HHAT: variants seen among roughly 807,000 people sequenced by gnomAD.
The protein encoded by HHAT is hedgehog acyltransferase, also known as protein-cysteine N-palmitoyltransferase HHAT.
In HHAT, 47 loss-of-function variants were observed where a neutral mutation model predicts 70.8. The observed-to-expected ratio is 0.66, with a 90% CI of 0.53 to 0.85. The LOEUF (loss-of-function observed/expected upper bound fraction) is 0.85, where lower values mean the gene tolerates loss of function less well. HHAT is among the 40% of genes least tolerant of loss of function. The pLI, the probability that HHAT is intolerant of heterozygous loss-of-function variation, is 0.00. For missense variants in HHAT, 609 were observed against 604.8 expected (o/e 1.01, Z -0.07); for synonymous variants, 228 against 247.6 (o/e 0.92, Z 0.74).
intron 11 of HHAT, among the ~76,000 whole-genome samples, chr1:210,662,132 C>G (rs931685106): frequency 1.3e-5 from 2 of 152,146 alleles, no homozygotes; most frequent in African/African-American, 4.8e-5. Context: ...TGTCACTGAG[C>G]CTTTTGTCAT....
At chr1:210,373,300 G>A (rs1359637191) in intron 3 of HHAT, among the ~76,000 whole-genome samples, 5 of 152,084 alleles carry the variant, frequency 3.3e-5, no homozygotes, top group Non-Finnish European at 4.4e-5. Flanking sequence ...TTGGGGGGAG[G>A]TATGGGGAAG....
chr1:210,495,635 C>T (rs1457687581), intron 8 of HHAT, among the ~76,000 whole-genome samples: 1 of 152,126 alleles, frequency 6.6e-6, no homozygotes, highest in Non-Finnish European at 1.5e-5. Flanking sequence ...ATATTTGTTA[C>T]AACTAATGCC....
chr1:210,363,191 C>G (rs2088548357), intron 3 of HHAT, among the ~76,000 whole-genome samples: 1 of 152,176 alleles, frequency 6.6e-6, no homozygotes, highest in African/African-American at 2.4e-5. Flanking sequence ...CAGAAACTTC[C>G]TACTTGACCT....
intron 8 of HHAT, 37 bp downstream of exon 8, chr1:210,464,692 T>G (rs2094060203): frequency 6.2e-7 from 1 of 1,612,030 alleles, no homozygotes; most frequent in Non-Finnish European, 8.5e-7. Flanking sequence ...GTCAGGCATG[T>G]CCAGTGGGAG....
intron 11 of HHAT, among the ~76,000 whole-genome samples, chr1:210,638,722 CAAA>C (rs71146238): frequency 2.3e-4 from 22 of 95,264 alleles, no homozygotes; most frequent in East Asian, 3.2e-4. Context: ...CCTGTATTTA[CAAA>C]AAAAAAAAAA....
chr1:210,672,251 T>C (rs987411713), intron 11 of HHAT, among the ~76,000 whole-genome samples: 3 of 152,202 alleles, frequency 2.0e-5, no homozygotes, highest in Non-Finnish European at 4.4e-5. Context: ...CCCCATGCCA[T>C]ATTAATAATC....
intron 9 of HHAT, among the ~76,000 whole-genome samples, chr1:210,543,518 C>G (rs888415743): frequency 6.6e-6 from 1 of 152,040 alleles, no homozygotes; most frequent in East Asian, 1.9e-4. Context: ...AGTTTGAGAC[C>G]AGGAGTTCAA....
intron 7 of HHAT, 89 bp downstream of exon 7, chr1:210,418,414 G>A: frequency 8.1e-7 from 1 of 1,237,066 alleles, no homozygotes; most frequent in Non-Finnish European, 1.1e-6. Context: ...GTGAGCAGGG[G>A]TGCAGGTGCC....
At chr1:210,530,054 A>G (rs371676650) in intron 9 of HHAT, among the ~76,000 whole-genome samples, 1 of 152,194 alleles carries the variant, frequency 6.6e-6, no homozygotes, top group East Asian at 1.9e-4. Context: ...AACTGGATAA[A>G]GTTTAATCCT....
intron 1 of HHAT, among the ~76,000 whole-genome samples, chr1:210,329,967 G>A (rs2084845055): frequency 6.6e-6 from 1 of 152,136 alleles, no homozygotes; most frequent in Admixed American, 6.5e-5. Flanking sequence ...GGCTGGTCTC[G>A]AATTCCTGAC....
intron 9 of HHAT, among the ~76,000 whole-genome samples, chr1:210,566,649 A>G (rs1654822914): frequency 6.6e-6 from 1 of 152,056 alleles, no homozygotes; most frequent in Non-Finnish European, 1.5e-5. Flanking sequence ...TCAGCTGGTG[A>G]TGATCAGAGG....
At chr1:210,617,063 A>T (rs537372706) in intron 10 of HHAT, among the ~76,000 whole-genome samples, 2 of 152,370 alleles carry the variant, frequency 1.3e-5, no homozygotes, top group Admixed American at 6.5e-5. Flanking sequence ...CAGGTAGAAG[A>T]TGGAAATATA....
intron 8 of HHAT, among the ~76,000 whole-genome samples, chr1:210,490,299 AAG>A (rs926463490): frequency 5.9e-5 from 9 of 152,332 alleles, no homozygotes; most frequent in African/African-American, 2.2e-4. Flanking sequence ...ACACATTCTA[AAG>A]AGAGGAAAGA....
chr1:210,494,041 G>A (rs1018985127), intron 8 of HHAT, among the ~76,000 whole-genome samples: 10 of 152,188 alleles, frequency 6.6e-5, no homozygotes, highest in Admixed American at 2.0e-4. Context: ...ATTAGAATTT[G>A]GTTGGAGGGA....
chr1:210,488,113 GAAGGAAGC>G (rs2094499774), intron 8 of HHAT, among the ~76,000 whole-genome samples: 1 of 152,162 alleles, frequency 6.6e-6, no homozygotes, highest in Non-Finnish European at 1.5e-5. Flanking sequence ...CTGAAGGGTG[GAAGGAAGC>G]AATTTTTTTC....
chr1:210,510,015 A>G (rs2094927495), intron 8 of HHAT, among the ~76,000 whole-genome samples: 1 of 152,202 alleles, frequency 6.6e-6, no homozygotes, highest in African/African-American at 2.4e-5. Flanking sequence ...TTGCAAAGGA[A>G]ATCTTTCAGG....
chr1:210,466,131 T>TCGCAAG (rs2094102364), intron 8 of HHAT, among the ~76,000 whole-genome samples: 1 of 150,838 alleles, frequency 6.6e-6, no homozygotes. Context: ...TCGCAAGGAA[T>TCGCAAG]GAATTGCAAG....
intron 11 of HHAT, among the ~76,000 whole-genome samples, chr1:210,636,246 C>G (rs78282651): frequency 0.016 from 2,393 of 152,276 alleles, 34 homozygotes; most frequent in Middle Eastern, 0.027. Flanking sequence ...TTGTATCTGC[C>G]AGACCAATAG....
At chr1:210,630,785 G>A (rs965174198) in intron 11 of HHAT, among the ~76,000 whole-genome samples, 3 of 152,200 alleles carry the variant, frequency 2.0e-5, no homozygotes, top group African/African-American at 7.2e-5. Context: ...CTATTGGGAA[G>A]CAGAAGCAAT....
Sources: allele counts gnomAD v4.1 joint callset (sites outside exome capture counted in the v4.1 genomes callset), GRCh38; gene constraint gnomAD v4.1.1; transcripts MANE v1.5; gene names NCBI Gene and HGNC (gene_info 2026-07-23, HGNC 2026-07-21).